The following TXNDC8 variants were observed in gnomAD, a reference collection of about 807,000 sequenced individuals.
TXNDC8 encodes the protein thioredoxin domain containing 8.
Under a neutral mutation model 12.9 loss-of-function variants are expected in TXNDC8, and 15 were observed. The ratio of observed to expected loss-of-function variants is 1.16; its 90% CI spans 0.78 to 1.79. The LOEUF (loss-of-function observed/expected upper bound fraction) is 1.79, where lower values mean the gene tolerates loss of function less well. Among genes scored for constraint, TXNDC8 ranks in the 40% most tolerant of loss-of-function variants. The pLI is 0.00. For missense variants in TXNDC8, 128 were observed against 113.2 expected (o/e 1.13, Z -0.59); for synonymous variants, 40 against 35.4 (o/e 1.13, Z -0.46).
chr9:110,322,285 A>G (rs1839132076), intron 3 of TXNDC8, among the ~76,000 whole-genome samples: 1 of 152,164 alleles, frequency 6.6e-6, no homozygotes, highest in Non-Finnish European at 1.5e-5. Context: ...TATCCACATT[A>G]TAATCAGAGG....
intron 3 of TXNDC8, among the ~76,000 whole-genome samples, chr9:110,311,550 T>TAA (rs1564096111): frequency 7.7e-6 from 1 of 130,206 alleles, no homozygotes; most frequent in Admixed American, 7.7e-5. Flanking sequence ...TATATATATA[T>TAA]ATATATATCT....
intron 3 of TXNDC8, 79 bp from the exon 5 acceptor site, chr9:110,304,611 G>T (rs1015053957): frequency 1.7e-5 from 23 of 1,348,146 alleles, no homozygotes; most frequent in Non-Finnish European, 2.3e-5. Context: ...GGTTCTTTTG[G>T]CCTTGGCCAG....
At chr9:110,306,415 G>A (rs1048018582) in intron 3 of TXNDC8, among the ~76,000 whole-genome samples, 1 of 152,140 alleles carries the variant, frequency 6.6e-6, no homozygotes, top group African/African-American at 2.4e-5. Flanking sequence ...TCTCATCCCT[G>A]AAGCTCAAAA....
chr9:110,328,658 T>C (rs1820677154), intron 2 of TXNDC8, among the ~76,000 whole-genome samples: 2 of 151,968 alleles, frequency 1.3e-5, no homozygotes, highest in African/African-American at 4.8e-5. Flanking sequence ...AATACAAAAT[T>C]AGCCGGGCGT....
chr9:110,328,274 T>A (rs2118846410), intron 2 of TXNDC8, among the ~76,000 whole-genome samples: 1 of 152,354 alleles, frequency 6.6e-6, no homozygotes, highest in Admixed American at 6.5e-5. Flanking sequence ...AACAGATGTT[T>A]AAAATAATAA....
Position 110,335,439 on chromosome 9 carries a change from A to G in TXNDC8, c.25-1119T>C, listed in dbSNP as rs9919055. On this transcript the variant is annotated intron_variant, in intron 1 of 4. Transcript: ENST00000423740. ...TGATGAATGAATGATTTGCTAATACATAGTACTCTGTTCAAGACTTTTCCT... is the reference window on the plus strand; with the variant it reads ...TGATGAATGAATGATTTGCTAATACGTAGTACTCTGTTCAAGACTTTTCCT... Among the ~76,000 whole-genome samples, 922 of 152,254 alleles carry G rather than the reference A, an allele frequency of 6.1e-3. 7 individuals carry two copies. The highest frequency in any genetic ancestry group is 0.021 in the African/African-American group (887 of 41,550).
intron 3 of TXNDC8, among the ~76,000 whole-genome samples, chr9:110,312,476 T>A (rs1370164628): frequency 2.6e-5 from 4 of 152,190 alleles, no homozygotes; most frequent in Admixed American, 1.3e-4. Context: ...TCCTGACCTG[T>A]GGTAAGTAAA....
At chr9:110,303,199 CT>C (rs1381650936), downstream of TXNDC8, among the ~76,000 whole-genome samples, 1 of 152,172 alleles carries the variant, frequency 6.6e-6, no homozygotes, top group East Asian at 1.9e-4. Flanking sequence ...AGAATTGGAT[CT>C]TTGCTAATCT....
chr9:110,315,858 CG>C (rs890187977), intron 3 of TXNDC8, among the ~76,000 whole-genome samples: 5 of 35,784 alleles, frequency 1.4e-4, no homozygotes, highest in African/African-American at 5.5e-4. Context: ...GTTGAGGGGG[CG>C]GGGGGCGCAG....
intron 3 of TXNDC8, among the ~76,000 whole-genome samples, chr9:110,305,780 TTTC>T (rs1838439199): frequency 1.1e-5 from 1 of 91,478 alleles, no homozygotes; most frequent in African/African-American, 4.1e-5. Context: ...TTTCTTTTCT[TTTC>T]TTTTCTTTCT....
chr9:110,311,636 CCATACT>C (rs1838682704), intron 3 of TXNDC8, among the ~76,000 whole-genome samples: 1 of 122,208 alleles, frequency 8.2e-6, no homozygotes, highest in African/African-American at 3.3e-5. Flanking sequence ...ATATATATCT[CCATACT>C]ATATATATAT....
intron 2 of TXNDC8, among the ~76,000 whole-genome samples, chr9:110,333,673 T>A (rs1839632272): frequency 6.6e-6 from 1 of 152,192 alleles, no homozygotes; most frequent in South Asian, 2.1e-4. Context: ...TATACATATG[T>A]CCCAACATCA....
intron 1 of TXNDC8, among the ~76,000 whole-genome samples, chr9:110,335,579 A>G (rs1839718434): frequency 6.6e-6 from 1 of 152,312 alleles, no homozygotes; most frequent in Middle Eastern, 3.4e-3. Context: ...CATTTTACAA[A>G]TGAGAAAAGT....
At chr9:110,315,797 G>A (rs1422440450) in intron 3 of TXNDC8, among the ~76,000 whole-genome samples, 2 of 124,354 alleles carry the variant, frequency 1.6e-5, no homozygotes, top group Non-Finnish European at 3.2e-5. Flanking sequence ...ACAGGTGTGA[G>A]CCACTGTGCC....
intron 3 of TXNDC8, among the ~76,000 whole-genome samples, chr9:110,321,020 C>T: frequency 6.6e-6 from 1 of 152,234 alleles, no homozygotes; most frequent in East Asian, 1.9e-4. Context: ...TGCATGAAAA[C>T]TTCAGCAACC....
At chr9:110,325,609 G>A (rs1839281958) in intron 3 of TXNDC8, among the ~76,000 whole-genome samples, 1 of 149,472 alleles carries the variant, frequency 6.7e-6, no homozygotes, top group African/African-American at 2.5e-5. Context: ...CAAGCTCCGC[G>A]TCCTGGGTTC....
At chr9:110,315,313 G>T (rs1272635467) in intron 3 of TXNDC8, among the ~76,000 whole-genome samples, 1 of 151,956 alleles carries the variant, frequency 6.6e-6, no homozygotes, top group Admixed American at 6.6e-5. Flanking sequence ...GGCCAGGCTG[G>T]TCTCGAACTC....
intron 2 of TXNDC8, among the ~76,000 whole-genome samples, chr9:110,332,762 T>A (rs1298217951): frequency 6.6e-6 from 1 of 152,192 alleles, no homozygotes; most frequent in Non-Finnish European, 1.5e-5. Flanking sequence ...GATAAAATAT[T>A]GTATAGATAT....
At chr9:110,322,767 G>A (rs1475656413) in intron 3 of TXNDC8, 7 of 985,418 alleles carry the variant, frequency 7.1e-6, no homozygotes, top group African/African-American at 1.7e-5. Flanking sequence ...AGAATCAGGA[G>A]GAGAGGCTGA....
Sources: gnomAD v4.1 joint callset for allele counts (sites outside exome capture counted in the v4.1 genomes callset) on GRCh38, gnomAD v4.1.1 for gene constraint, MANE v1.5 for transcripts, NCBI Gene and HGNC (gene_info 2026-07-23, HGNC 2026-07-21) for gene names.